The following GABRA1 variants were observed in gnomAD, a reference collection of about 807,000 sequenced individuals.
GABRA1 encodes the protein gamma-aminobutyric acid type A receptor subunit alpha1, also known as gamma-aminobutyric acid receptor subunit alpha-1.
GABRA1 carries 9 observed loss-of-function variants against 48.9 expected under a neutral mutation model. The ratio of observed to expected loss-of-function variants is 0.18; its 90% CI spans 0.11 to 0.32. The LOEUF is 0.32. GABRA1 is among the 10% of genes least tolerant of loss of function. The pLI is 1.00. For missense variants in GABRA1, 285 were observed against 553.8 expected (o/e 0.51, Z 4.87); for synonymous variants, 210 against 198.7 (o/e 1.06, Z -0.48).
intron 3 of GABRA1, among the ~76,000 whole-genome samples, chr5:161,863,915 G>A (rs1757954648): frequency 6.6e-6 from 1 of 151,898 alleles, no homozygotes; most frequent in Admixed American, 6.6e-5. Flanking sequence ...AGAGACATTA[G>A]GATGTTAATG....
At chr5:161,865,155 GTTC>G (rs1758003958) in intron 3 of GABRA1, among the ~76,000 whole-genome samples, 1 of 152,046 alleles carries the variant, frequency 6.6e-6, no homozygotes, top group South Asian at 2.1e-4. Flanking sequence ...GCCATAATAT[GTTC>G]TTCTCATCCT....
At chr5:161,883,347 G>A (rs930290705) in intron 7 of GABRA1, among the ~76,000 whole-genome samples, 10 of 152,210 alleles carry the variant, frequency 6.6e-5, no homozygotes, top group Admixed American at 3.3e-4. Context: ...CCTTTTTAGT[G>A]TAGTAACTGA....
intron 6 of GABRA1, among the ~76,000 whole-genome samples, chr5:161,879,525 T>C (rs984005301): frequency 1.3e-5 from 2 of 152,196 alleles, no homozygotes; most frequent in African/African-American, 4.8e-5. Flanking sequence ...ACTTTTCTTA[T>C]GCTGATGTCT....
At position 161,898,855 on chromosome 5, in the gene GABRA1, T is replaced by A. The variant is rs557229266; in HGVS notation, c.*1433T>A. ...ATTAAATATAAAATACATAAAAGAA[T>A]GTACAGAAAATAGCTTTTATTGAGT... On this transcript the variant is annotated 3_prime_UTR_variant, in exon 10 of 10. Coordinates refer to ENST00000393943, the MANE Select transcript of GABRA1 (RefSeq NM_001127644.2). 3 of 152,680 alleles carry A rather than the reference T, an allele frequency of 2.0e-5. No individual in the cohort carries two copies. The South Asian group carries it at 6.2e-4, about 32-fold the overall frequency. 9.5% of individuals were successfully genotyped at this position (152,680 alleles called of 1,614,324 possible). A position where few individuals can be genotyped will look rare whatever the true frequency, so the allele number is the denominator to read the frequency against.
intron 2 of GABRA1, among the ~76,000 whole-genome samples, chr5:161,851,596 T>C (rs1757448375): frequency 6.6e-6 from 1 of 152,174 alleles, no homozygotes; most frequent in Non-Finnish European, 1.5e-5. Context: ...GTATTTCTTG[T>C]GTAGCCTATT....
intron 8 of GABRA1, among the ~76,000 whole-genome samples, chr5:161,891,931 T>C (rs1561585350): frequency 6.6e-6 from 1 of 152,084 alleles, no homozygotes; most frequent in Admixed American, 6.5e-5. Context: ...CTGTATTACT[T>C]AACTATAAAA....
At chr5:161,892,062 T>C (rs1216903445) in intron 8 of GABRA1, among the ~76,000 whole-genome samples, 2 of 152,230 alleles carry the variant, frequency 1.3e-5, no homozygotes, top group African/African-American at 4.8e-5. Flanking sequence ...CCCTAGCATT[T>C]AGCTCTGGAG....
intron 7 of GABRA1, among the ~76,000 whole-genome samples, chr5:161,884,324 A>G (rs887877427): frequency 2.0e-5 from 3 of 152,136 alleles, no homozygotes; most frequent in African/African-American, 4.8e-5. Context: ...TAAATGATAG[A>G]CAAGCTCAGA....
At chr5:161,896,296 G>A (rs1755365809) in intron 9 of GABRA1, among the ~76,000 whole-genome samples, 1 of 152,102 alleles carries the variant, frequency 6.6e-6, no homozygotes, top group Non-Finnish European at 1.5e-5. Flanking sequence ...TAACCATAAT[G>A]CCTCAATTAA....
chr5:161,849,925 A>G (rs1304371450), intron 1 of GABRA1, among the ~76,000 whole-genome samples: 1 of 152,188 alleles, frequency 6.6e-6, no homozygotes, highest in Non-Finnish European at 1.5e-5. Flanking sequence ...TCAGATGGTG[A>G]TTGATTGCAC....
intron 5 of GABRA1, 128 bp downstream of exon 5, chr5:161,873,465 A>G (rs990682409): frequency 2.5e-6 from 2 of 788,182 alleles, no homozygotes; most frequent in Non-Finnish European, 4.4e-6. Flanking sequence ...TAACAATCTT[A>G]AAAATCTCTC....
At chr5:161,895,001 A>G (rs1464441756) in intron 8 of GABRA1, among the ~76,000 whole-genome samples, 2 of 151,960 alleles carry the variant, frequency 1.3e-5, no homozygotes, top group Non-Finnish European at 2.9e-5. Flanking sequence ...CTAGCAAGTT[A>G]CATAAAATGT....
At chr5:161,882,744 A>C (rs1754671347) in intron 7 of GABRA1, 43 bp downstream of exon 7, 27 of 1,515,756 alleles carry the variant, frequency 1.8e-5, no homozygotes, top group Non-Finnish European at 2.4e-5. Context: ...GAAGAAGAAG[A>C]ATAATATTTT....
At chr5:161,891,129 A>C in intron 8 of GABRA1, 79 bp downstream of exon 8, 1 of 1,279,376 alleles carries the variant, frequency 7.8e-7, no homozygotes, top group Non-Finnish European at 1.1e-6. Flanking sequence ...TGCAAAGAGA[A>C]ATAAAAAAAA....
At chr5:161,891,344 A>T (rs1442988297) in intron 8 of GABRA1, among the ~76,000 whole-genome samples, 1 of 152,208 alleles carries the variant, frequency 6.6e-6, no homozygotes, top group African/African-American at 2.4e-5. Context: ...AAACTCATAA[A>T]TAAAAACTTA....
intron 7 of GABRA1, among the ~76,000 whole-genome samples, chr5:161,887,803 T>C (rs527302660): frequency 2.6e-5 from 4 of 152,246 alleles, no homozygotes; most frequent in African/African-American, 9.6e-5. Flanking sequence ...TAAATGTCCA[T>C]AGAAATAGAG....
intron 1 of GABRA1, chr5:161,850,481 C>CTA: frequency 4.0e-6 from 2 of 498,072 alleles, no homozygotes; most frequent in Non-Finnish European, 7.0e-6. Flanking sequence ...ATAAACCAAA[C>CTA]TATATTCTAA....
chr5:161,873,089 C>T (rs369706974), intron 4 of GABRA1, 28 bp from the exon 5 acceptor site: 207 of 1,533,020 alleles, frequency 1.4e-4, no homozygotes, highest in Middle Eastern at 1.2e-3. Context: ...GCACAGTGAA[C>T]TCTTCGTCAT....
chr5:161,897,020 G>A, intron 9 of GABRA1, 91 bp from the exon 10 acceptor site: 9 of 1,106,672 alleles, frequency 8.1e-6, no homozygotes, highest in Admixed American at 1.8e-5. Flanking sequence ...CACAGATTTA[G>A]GCTGCAAAAT....
Sources: allele counts gnomAD v4.1 joint callset (sites outside exome capture counted in the v4.1 genomes callset), GRCh38; gene constraint gnomAD v4.1.1; transcripts MANE v1.5; gene names NCBI Gene and HGNC (gene_info 2026-07-23, HGNC 2026-07-21).